Variants in POLR3E observed in about 807,000 individuals in gnomAD.
POLR3E encodes the protein RNA polymerase III subunit E.
A neutral mutation model predicts 96.6 loss-of-function variants in POLR3E; 41 were observed. That is an observed-to-expected ratio of 0.42 (90% CI 0.33 to 0.55). POLR3E has a LOEUF of 0.55. Among genes scored for constraint, POLR3E ranks in the 20% least tolerant of loss-of-function variants. The pLI is 0.06. For synonymous variants in POLR3E, 396 were observed against 383.6 expected (o/e 1.03, Z -0.38); for missense variants, 849 against 952.1 (o/e 0.89, Z 1.43).
Position 22,317,141 on chromosome 16 carries a change from T to C in POLR3E, c.800T>C (p.Val267Ala). Residue 267 changes from valine (V) to alanine (A), a missense_variant, in exon 12 of 21, where the codon GTC becomes GCC. Val to Ala is a moderately conservative substitution (Grantham distance 64). Coordinates refer to ENST00000299853, the MANE Select transcript of POLR3E (RefSeq NM_018119.4). ...GACAAGCCTGTGGCCCCCAGCAACG[T>C]CCTGTCGATGGCCCAGCTGCGCACG... ...EKDKPVAPSN[V>A]LSMAQLRTLP... 6.2e-7 allele frequency: 1 copy of C among 1,614,096 alleles called. No individual in the cohort carries two copies. Among genetic ancestry groups the C allele is most frequent in the African/African-American group, 1.3e-5 (1 of 75,054 alleles).
chr16:22,312,831 C>T (rs1375596528), intron 6 of POLR3E, among the ~76,000 whole-genome samples: 2 of 137,534 alleles, frequency 1.5e-5, no homozygotes, highest in East Asian at 4.5e-4. Flanking sequence ...CATGGCACTG[C>T]ACTCTGCACT....
At chr16:22,305,491 G>A (rs750210567) in intron 3 of POLR3E, 83 of 640,982 alleles carry the variant, frequency 1.3e-4, no homozygotes, top group Non-Finnish European at 2.2e-4. Flanking sequence ...CTGCGAGACC[G>A]TGGGCAAGTT....
chr16:22,315,107 G>A lies in POLR3E; in HGVS notation c.541G>A (p.Glu181Lys). The A allele has an allele frequency of 1.9e-6, 3 of 1,613,556 alleles. No individual in the cohort carries two copies. Among genetic ancestry groups the A allele is most frequent in the Non-Finnish European group, 2.5e-6 (3 of 1,179,920 alleles). ...KQITVRFSRP[E>K]SEQARQRRVQ... Reference sequence around the variant, plus strand: ...ACCGCAGGTGCGGTTCTCCCGGCCGGAGTCAGAGCAGGCCCGCCAGCGCCG... The same window carrying A: ...ACCGCAGGTGCGGTTCTCCCGGCCGAAGTCAGAGCAGGCCCGCCAGCGCCG... Residue 181 changes from glutamate (E) to lysine (K), a missense_variant, in exon 9 of 21, where the codon GAG becomes AAG. Physicochemically the swap from Glu to Lys is moderately conservative, Grantham distance 56. Transcript: ENST00000299853.
chr16:22,315,246 C>T (rs757010191), intron 9 of POLR3E, 38 bp downstream of exon 9: 170 of 1,553,156 alleles, frequency 1.1e-4, no homozygotes, highest in South Asian at 1.3e-4. Flanking sequence ...GGAAACACCT[C>T]GGTGCCCGGA....
intron 1 of POLR3E, among the ~76,000 whole-genome samples, chr16:22,299,198 C>T (rs886629441): frequency 3.3e-5 from 5 of 151,996 alleles, no homozygotes; most frequent in African/African-American, 1.2e-4. Flanking sequence ...CTTGGAAATC[C>T]CTGTGGGAGA....
At chr16:22,307,690 G>A (rs1025531163) in intron 3 of POLR3E, among the ~76,000 whole-genome samples, 91 of 152,194 alleles carry the variant, frequency 6.0e-4, no homozygotes, top group African/African-American at 2.1e-3. Context: ...CCACCTGCCC[G>A]TCGTCTGGCC....
At chr16:22,315,634 C>T (rs1226078937) in intron 9 of POLR3E, among the ~76,000 whole-genome samples, 2 of 152,238 alleles carry the variant, frequency 1.3e-5, no homozygotes, top group East Asian at 3.9e-4. Context: ...TGGTTTTCAT[C>T]TGGTACGCTG....
chr16:22,302,992 A>G lies in POLR3E; in HGVS notation c.24A>G (p.Pro8=), dbSNP rs1459141525. MANEEDD[P]VVQEIDVYLA... is the part of the protein sequence containing the mutation. Reference sequence around the variant, plus strand: ...GTATGGCCAATGAAGAGGATGACCCAGTTGTACAGGAGGTAACTGCTGCTC... The same window carrying G: ...GTATGGCCAATGAAGAGGATGACCCGGTTGTACAGGAGGTAACTGCTGCTC... Residue 8 remains proline (P), a synonymous_variant, in exon 2 of 21, where the codon CCA becomes CCG. Coordinates refer to ENST00000299853, the MANE Select transcript of POLR3E (RefSeq NM_018119.4). The G allele has an allele frequency of 1.9e-6, 3 of 1,613,906 alleles. No homozygotes were observed. In the East Asian group the frequency reaches 6.7e-5, roughly 36 times the overall value.
chr16:22,301,886 C>T (rs999699796), intron 1 of POLR3E, among the ~76,000 whole-genome samples: 1 of 151,088 alleles, frequency 6.6e-6, no homozygotes, highest in Admixed American at 6.6e-5. Flanking sequence ...CGTACCACCG[C>T]ACTCCAGCCT....
At chr16:22,298,547 G>A (rs1053196587) in intron 1 of POLR3E, among the ~76,000 whole-genome samples, 1 of 152,166 alleles carries the variant, frequency 6.6e-6, no homozygotes, top group Non-Finnish European at 1.5e-5. Context: ...CAGATGCCAA[G>A]CAGCTGTGGT....
chr16:22,332,875 T>G (rs2048770191), intron 20 of POLR3E, among the ~76,000 whole-genome samples: 1 of 152,042 alleles, frequency 6.6e-6, no homozygotes, highest in Non-Finnish European at 1.5e-5. Context: ...GACAATGTCT[T>G]GTTTTGATTA....
Position 22,313,990 on chromosome 16 carries a change from C to A in POLR3E, c.473-89C>A. ...CTCTGCGAGGAGAACTCCCAGCACC[C>A]CGGCCTGAGGCTTCCCTGGCGGGTG... On this transcript the variant is annotated intron_variant, in intron 7 of 20. Transcript: ENST00000299853. This position sits in a 1 kb window ranked among gnomAD's most constrained non-coding sequence, Gnocchi z 4.1. 8.4e-7 allele frequency: 1 copy of A among 1,195,456 alleles called. No individual in the cohort carries two copies. The highest frequency in any genetic ancestry group is 1.2e-6 in the Non-Finnish European group (1 of 802,810). The allele number at this position is 1,195,456 out of a possible 1,614,324, so 74.1% of individuals were successfully genotyped here. A position where few individuals can be genotyped will look rare whatever the true frequency, so the allele number is the denominator to read the frequency against.
In POLR3E at chr16:22,313,835, C is replaced by T; in HGVS notation, c.472+108C>T. On this transcript the variant is annotated intron_variant, in intron 7 of 20. Coordinates refer to ENST00000299853, the MANE Select transcript of POLR3E (RefSeq NM_018119.4). The surrounding 1 kb of genome is among the most constrained non-coding windows in gnomAD (Gnocchi z 4.1). ...ATAGGATGTTTAGCAGGATCCCTGG[C>T]CTCTACCTACTAGATGCCAGAAGCA... 1 of 782,642 alleles carries T rather than the reference C, an allele frequency of 1.3e-6. No homozygotes were observed. The highest frequency in any genetic ancestry group is 2.1e-6 in the Non-Finnish European group (1 of 470,424). The allele number at this position is 782,642 out of a possible 1,614,324, so 48.5% of individuals were successfully genotyped here.
At chr16:22,333,201 C>T (rs1488731246) in intron 20 of POLR3E, among the ~76,000 whole-genome samples, 7 of 150,164 alleles carry the variant, frequency 4.7e-5, no homozygotes, top group African/African-American at 1.7e-4. Context: ...ACCTGTAATC[C>T]CAGCGCTTTG....
chr16:22,309,316 G>C, intron 5 of POLR3E, 112 bp from the exon 6 acceptor site: 1 of 873,086 alleles, frequency 1.1e-6, no homozygotes. Context: ...CTGCGGCCTT[G>C]GTCCCTGGCT....
chr16:22,307,982 T>C (rs2048169348), intron 3 of POLR3E, among the ~76,000 whole-genome samples, 166 bp from the exon 4 acceptor site: 1 of 152,128 alleles, frequency 6.6e-6, no homozygotes. Context: ...GGGTGGAGAC[T>C]GGCAGGGGTG....
At chr16:22,310,018 G>T (rs1013983362) in intron 6 of POLR3E, 1 of 162,636 alleles carries the variant, frequency 6.1e-6, no homozygotes, top group African/African-American at 2.4e-5. Context: ...GATGTTATTT[G>T]ACCATGGAAA....
Position 22,332,765 on chromosome 16 carries a change from T to C in POLR3E, c.2070+580T>C, listed in dbSNP as rs536064208. On this transcript the variant is annotated intron_variant, in intron 20 of 20. Transcript: ENST00000299853. Reference sequence around the variant, plus strand: ...AAAAAGGAATATGATCTGTTTACTATATGAAAGCACCTAATGTACAACCTA... The same window carrying C: ...AAAAAGGAATATGATCTGTTTACTACATGAAAGCACCTAATGTACAACCTA... Among the ~76,000 whole-genome samples, 410 of 152,174 alleles carry C rather than the reference T, an allele frequency of 2.7e-3. 1 individual carries two copies. Among genetic ancestry groups the C allele is most frequent in the African/African-American group, 9.2e-3 (381 of 41,520 alleles).
In POLR3E at chr16:22,326,997, G is replaced by A. The variant is rs774161609; in HGVS notation, c.1866+719G>A. The A allele has an allele frequency of 1.3e-3, 205 of 152,914 alleles. 1 individual carries two copies. The highest frequency in any genetic ancestry group is 2.3e-3 in the Non-Finnish European group (156 of 68,530). 9.5% of individuals were successfully genotyped at this position (152,914 alleles called of 1,614,324 possible). ...GTCACTGGGAGGGGCCCTGACGGGG[G>A]AGCAGAGTGCTTGCTGGGGACCGTT... is the stretch of plus-strand genomic sequence containing the variant. On this transcript the variant is annotated intron_variant, in intron 18 of 20. Coordinates refer to ENST00000299853, the MANE Select transcript of POLR3E (RefSeq NM_018119.4).
Sources: gnomAD v4.1 joint callset for allele counts (sites outside exome capture counted in the v4.1 genomes callset) on GRCh38, gnomAD v4.1.1 for gene constraint, Gnocchi (gnomAD v3.1) non-coding constraint, MANE v1.5 for transcripts, NCBI Gene and HGNC (gene_info 2026-07-23, HGNC 2026-07-21) for gene names.